Variants in PIK3C2A observed in about 807,000 individuals in gnomAD.
The protein encoded by PIK3C2A is phosphatidylinositol-4-phosphate 3-kinase catalytic subunit type 2 alpha.
PIK3C2A carries 97 observed loss-of-function variants against 204.5 expected under a neutral mutation model. The ratio of observed to expected loss-of-function variants is 0.47; its 90% CI spans 0.40 to 0.56. The LOEUF (loss-of-function observed/expected upper bound fraction) is 0.56. PIK3C2A is among the 20% of genes least tolerant of loss of function. The pLI is 0.00. For synonymous variants in PIK3C2A, 653 were observed against 664.4 expected (o/e 0.98, Z 0.26); for missense variants, 1,735 against 1,969.2 (o/e 0.88, Z 2.25).
intron 25 of PIK3C2A, 41 bp from the exon 26 acceptor site, chr11:17,100,010 A>T (rs1317519272): frequency 1.0e-6 from 1 of 954,052 alleles, no homozygotes; most frequent in African/African-American, 1.6e-5. Context: ...TAAATTTTTT[A>T]AAACATTTGT....
intron 1 of PIK3C2A, among the ~76,000 whole-genome samples, chr11:17,205,473 C>CAAA (rs755518412): frequency 3.5e-4 from 9 of 25,370 alleles, no homozygotes; most frequent in Admixed American, 1.3e-3. Context: ...GACTCCATCT[C>CAAA]AAAAAAAAAA....
intron 11 of PIK3C2A, among the ~76,000 whole-genome samples, chr11:17,133,953 G>A (rs1056342609): frequency 2.6e-5 from 4 of 151,538 alleles, no homozygotes; most frequent in Non-Finnish European, 5.9e-5. Flanking sequence ...AATAATGAAC[G>A]AACACCAGTC....
chr11:17,155,379 G>T, intron 3 of PIK3C2A, 147 bp downstream of exon 3: 1 of 535,770 alleles, frequency 1.9e-6, no homozygotes, highest in East Asian at 2.9e-5. Flanking sequence ...ACTGTGGTTT[G>T]TGATAACGTG....
At chr11:17,138,949 C>T (rs1335396271) in intron 8 of PIK3C2A, among the ~76,000 whole-genome samples, 1 of 152,078 alleles carries the variant, frequency 6.6e-6, no homozygotes, top group African/African-American at 2.4e-5. Flanking sequence ...CTTTTGTCCC[C>T]CAGGCTGGAG....
chr11:17,178,106 A>G (rs11024182), intron 1 of PIK3C2A, among the ~76,000 whole-genome samples: 21 of 96,312 alleles, frequency 2.2e-4, no homozygotes, highest in African/African-American at 8.4e-4. Flanking sequence ...AAAAAAAAAA[A>G]AAAAAAGAAA....
At chr11:17,092,511 A>G (rs1341659332) in intron 28 of PIK3C2A, among the ~76,000 whole-genome samples, 2 of 152,166 alleles carry the variant, frequency 1.3e-5, no homozygotes, top group African/African-American at 2.4e-5. Flanking sequence ...TACTAAAAAT[A>G]CAAAAATTAG....
chr11:17,101,013 G>A (rs1848608525), intron 25 of PIK3C2A, among the ~76,000 whole-genome samples: 1 of 152,078 alleles, frequency 6.6e-6, no homozygotes, highest in Non-Finnish European at 1.5e-5. Context: ...CTGCCTTGGG[G>A]TCCAGCTACT....
chr11:17,094,459 C>T, intron 27 of PIK3C2A, 74 bp from the exon 28 acceptor site: 1 of 1,243,492 alleles, frequency 8.0e-7, no homozygotes, highest in Non-Finnish European at 1.1e-6. Context: ...TGCAGTGGCT[C>T]ATGCCTGTAA....
intron 8 of PIK3C2A, among the ~76,000 whole-genome samples, chr11:17,140,859 T>C (rs966090655): frequency 6.6e-6 from 1 of 152,212 alleles, no homozygotes; most frequent in Non-Finnish European, 1.5e-5. Flanking sequence ...AAGTATAATA[T>C]AGAGTTACTA....
intron 15 of PIK3C2A, among the ~76,000 whole-genome samples, chr11:17,120,841 G>A (rs577283785): frequency 2.0e-5 from 3 of 151,850 alleles, no homozygotes; most frequent in South Asian, 2.1e-4. Context: ...ATGGAGTCTC[G>A]CTCTGTCACC....
chr11:17,198,369 C>CA (rs61679251), intron 1 of PIK3C2A, among the ~76,000 whole-genome samples: 86,665 of 151,670 alleles, frequency 0.57, 25,076 homozygotes, highest in East Asian at 0.82. Context: ...CTCAGCCTCC[C>CA]AAAGTGCTGG....
At chr11:17,200,132 G>A (rs1023701398) in intron 1 of PIK3C2A, among the ~76,000 whole-genome samples, 1 of 151,922 alleles carries the variant, frequency 6.6e-6, no homozygotes, top group Non-Finnish European at 1.5e-5. Flanking sequence ...GTTGCAGTGA[G>A]CTGAGATCGC....
chr11:17,111,205 G>A (rs185869058), intron 21 of PIK3C2A, among the ~76,000 whole-genome samples: 1 of 152,288 alleles, frequency 6.6e-6, no homozygotes, highest in East Asian at 1.9e-4. Flanking sequence ...ACCATATGTG[G>A]CCTATATTCA....
At chr11:17,176,008 T>C (rs1293541543) in intron 1 of PIK3C2A, among the ~76,000 whole-genome samples, 1 of 151,846 alleles carries the variant, frequency 6.6e-6, no homozygotes, top group Non-Finnish European at 1.5e-5. Flanking sequence ...AACTGATTTT[T>C]TTTTTTTTTG....
chr11:17,166,142 A>C (rs969367394), intron 2 of PIK3C2A, among the ~76,000 whole-genome samples: 1 of 152,172 alleles, frequency 6.6e-6, no homozygotes, highest in Non-Finnish European at 1.5e-5. Flanking sequence ...AATTCCTTTT[A>C]ACTTCTTTAC....
At chr11:17,186,159 C>A (rs1851743791) in intron 1 of PIK3C2A, among the ~76,000 whole-genome samples, 1 of 152,288 alleles carries the variant, frequency 6.6e-6, no homozygotes, top group East Asian at 1.9e-4. Context: ...CGCTGAATCA[C>A]TGAATGGCTT....
chr11:17,198,266 C>T (rs1852232613), intron 1 of PIK3C2A, among the ~76,000 whole-genome samples: 1 of 152,040 alleles, frequency 6.6e-6, no homozygotes, highest in Non-Finnish European at 1.5e-5. Context: ...CCCGCCACCA[C>T]ACCCGGCTGA....
intron 12 of PIK3C2A, among the ~76,000 whole-genome samples, chr11:17,131,256 T>C (rs1005908092): frequency 1.3e-5 from 2 of 152,138 alleles, no homozygotes; most frequent in African/African-American, 2.4e-5. Context: ...TGTTATATAG[T>C]GTTACAGAAT....
chr11:17,198,806 C>CA, intron 1 of PIK3C2A, among the ~76,000 whole-genome samples: 1 of 99,012 alleles, frequency 1.0e-5, no homozygotes, highest in African/African-American at 3.9e-5. Context: ...TCATAAAAAA[C>CA]AAAACAAAAC....
Sources: gnomAD v4.1 joint callset for allele counts (sites outside exome capture counted in the v4.1 genomes callset) on GRCh38, gnomAD v4.1.1 for gene constraint, MANE v1.5 for transcripts, NCBI Gene and HGNC (gene_info 2026-07-23, HGNC 2026-07-21) for gene names.